Variants in ZFHX3 observed in about 807,000 individuals in gnomAD.
ZFHX3 encodes zinc finger homeobox 3.
A neutral mutation model predicts 279.1 loss-of-function variants in ZFHX3; 42 were observed. That is an observed-to-expected ratio of 0.15 (90% CI 0.12 to 0.19). The LOEUF (loss-of-function observed/expected upper bound fraction) is 0.19. ZFHX3 is among the 10% of genes least tolerant of loss of function. The probability of loss-of-function intolerance (pLI) is 1.00; values close to 1 mark genes in which losing one functional copy is unlikely to be tolerated. For missense variants in ZFHX3, 4,981 were observed against 4,754.0 expected, an observed-to-expected ratio of 1.05 and a Z score of -1.40; for synonymous variants, 2,293 against 1,957.8, an observed-to-expected ratio of 1.17 and a Z score of -4.52.
chr16:73,809,060 T>A (rs1051473621), intron 1 of ZFHX3, among the ~76,000 whole-genome samples: 2 of 152,128 alleles, frequency 1.3e-5, no homozygotes, highest in Non-Finnish European at 2.9e-5. Context: ...ATAAGTGCAA[T>A]GTTTCCTAAA....
At position 73,721,203 on chromosome 16, in the gene ZFHX3, C is replaced by A. The variant is rs1427482130; in HGVS notation, c.-1607-40963G>T. ...GTGGCGGGATCTCGGCTCACTGCAA[C>A]TTCCGCCTCCCGGGTTCAAGCGATT... On this transcript the variant is annotated intron_variant, in intron 1 of 17. Transcript: ENST00000641206. 2.6e-5 allele frequency among the ~76,000 whole-genome samples: 4 copies of A among 152,266 alleles called. No individual in the cohort carries two copies. The East Asian group carries it at 5.8e-4, about 22-fold the overall frequency.
intron 1 of ZFHX3, among the ~76,000 whole-genome samples, chr16:73,755,407 A>T (rs1324901605): frequency 6.6e-6 from 1 of 152,158 alleles, no homozygotes; most frequent in African/African-American, 2.4e-5. Context: ...TATCCTCTTA[A>T]TCCAGTTTTA....
chr16:73,107,595 C>A (rs1966320098), intron 7 of ZFHX3, among the ~76,000 whole-genome samples: 1 of 152,338 alleles, frequency 6.6e-6, no homozygotes, highest in African/African-American at 2.4e-5. Context: ...GTGCCTGGAA[C>A]AAACCTGTTC....
intron 1 of ZFHX3, among the ~76,000 whole-genome samples, chr16:73,013,610 CTT>C (rs1283150755): frequency 6.6e-6 from 1 of 152,144 alleles, no homozygotes; most frequent in Non-Finnish European, 1.5e-5. Context: ...TAAACACTCT[CTT>C]TTATTTTTCT....
Position 73,267,987 on chromosome 16 carries a change from C to T in ZFHX3, c.-1193-10851G>A, listed in dbSNP as rs534153738. Among the ~76,000 whole-genome samples the T allele has an allele frequency of 2.0e-5, 3 of 152,134 alleles. No individual in the cohort carries two copies. In the South Asian group the frequency reaches 6.2e-4, roughly 32 times the overall value. On this transcript the variant is annotated intron_variant, in intron 4 of 17. Transcript: ENST00000641206. The stretch of plus-strand genomic sequence containing the variant: ...GTAAAAATGGAAAGTGATATTAGTG[C>T]TATTATTAACCTCCATCGTTATACT...
At chr16:72,846,108 T>G (rs2037473087) in intron 4 of ZFHX3, among the ~76,000 whole-genome samples, 1 of 152,126 alleles carries the variant, frequency 6.6e-6, no homozygotes, top group African/African-American at 2.4e-5. Flanking sequence ...CCTGCTCTCA[T>G]GGGGCAGGGG....
At chr16:73,742,185 A>C (rs1336541048) in intron 1 of ZFHX3, among the ~76,000 whole-genome samples, 1 of 152,228 alleles carries the variant, frequency 6.6e-6, no homozygotes, top group African/African-American at 2.4e-5. Context: ...TTTACACTGA[A>C]GTTACAGCCG....
intron 3 of ZFHX3, among the ~76,000 whole-genome samples, chr16:73,342,728 G>A (rs1304344375): frequency 6.6e-6 from 1 of 152,166 alleles, no homozygotes; most frequent in African/African-American, 2.4e-5. Context: ...GGAGGGCTAG[G>A]AAGGAAAGTG....
At position 73,801,972 on chromosome 16, in the gene ZFHX3, C is replaced by T. The variant is rs74028490; in HGVS notation, c.-1608+89679G>A. Among the ~76,000 whole-genome samples, 1,471 of 152,238 alleles carry T rather than the reference C, an allele frequency of 9.7e-3. 25 individuals carry two copies. Among genetic ancestry groups the T allele is most frequent in the African/African-American group, 0.032 (1,343 of 41,538 alleles). Reference sequence around the variant, plus strand: ...GGGAGATGTGTGCAAATTTGGATCTCTCCTCGCCGTTAGAGGAACAGCCCA... The same window carrying T: ...GGGAGATGTGTGCAAATTTGGATCTTTCCTCGCCGTTAGAGGAACAGCCCA... On this transcript the variant is annotated intron_variant, in intron 1 of 17. Coordinates refer to the ZFHX3 transcript ENST00000641206.
Position 72,796,348 on chromosome 16 carries a change from CCGGCAAGGTCTGCAG to C in ZFHX3, c.6319_6333del (p.Leu2107_Pro2111del). ...GGTCCCAGCTGCGGGGGTAGCTGAG[CCGGCAAGGTCTGCAG>C]CGGCATCGTCTGCATCATCAGCGGC... On this transcript the variant is annotated inframe_deletion, in exon 9 of 10. Coordinates refer to ENST00000268489, the MANE Select transcript of ZFHX3 (RefSeq NM_006885.4). The C allele has an allele frequency of 6.2e-7, 1 of 1,613,952 alleles. No homozygotes were observed. The highest frequency in any genetic ancestry group is 8.5e-7 in the Non-Finnish European group (1 of 1,180,002).
rs1410670147 is a variant in ZFHX3 at position 72,946,170 on chromosome 16, G to A, written c.3216+4299C>T. ...CAATCCTCCTAGAATGGCAGGAGCA[G>A]ACATCCTCTATGTGGAGAATCTGGC... is the stretch of plus-strand genomic sequence containing the variant. On this transcript the variant is annotated intron_variant, in intron 3 of 9. Coordinates refer to ENST00000268489, the MANE Select transcript of ZFHX3 (RefSeq NM_006885.4). 3.9e-5 allele frequency among the ~76,000 whole-genome samples: 6 copies of A among 152,334 alleles called. No homozygotes were observed. The East Asian group carries it at 1.2e-3, about 29-fold the overall frequency.
chr16:73,360,183 A>G (rs1445062192), intron 3 of ZFHX3, among the ~76,000 whole-genome samples: 1 of 152,250 alleles, frequency 6.6e-6, no homozygotes, highest in Non-Finnish European at 1.5e-5. Flanking sequence ...TGAGAATTAA[A>G]CAGCAAGATA....
chr16:73,030,362 A>T (rs1018311378), intron 1 of ZFHX3, among the ~76,000 whole-genome samples: 1 of 152,232 alleles, frequency 6.6e-6, no homozygotes, highest in Non-Finnish European at 1.5e-5. Context: ...CCTACCAGAT[A>T]AGCAAGGCAA....
intron 8 of ZFHX3, 149 bp downstream of exon 8, chr16:72,799,878 T>C (rs1442687877): frequency 1.5e-6 from 1 of 683,064 alleles, no homozygotes; most frequent in Admixed American, 2.3e-5. Flanking sequence ...AAGCAGAGTA[T>C]AAAGTAGCTG....
intron 3 of ZFHX3, among the ~76,000 whole-genome samples, chr16:73,443,390 G>A (rs758822298): frequency 1.3e-5 from 2 of 152,162 alleles, no homozygotes; most frequent in Non-Finnish European, 2.9e-5. Context: ...ACATGATAAC[G>A]ATGTACAACT....
Position 72,801,065 on chromosome 16 carries a change from T to G in ZFHX3, c.3865-936A>C, listed in dbSNP as rs191050710. Among the ~76,000 whole-genome samples the G allele has an allele frequency of 8.5e-5, 13 of 152,352 alleles. No individual in the cohort carries two copies. In the East Asian group the frequency reaches 2.5e-3, roughly 29 times the overall value. ...CAGCCCTCGATATCCAATGGAAAGA[T>G]CAAAGGTTCTTCATTCAAAAAGAAG... On this transcript the variant is annotated intron_variant, in intron 7 of 9. Transcript: ENST00000268489.
At chr16:72,919,550 A>G (rs773478546) in intron 3 of ZFHX3, among the ~76,000 whole-genome samples, 3 of 149,570 alleles carry the variant, frequency 2.0e-5, no homozygotes, top group Non-Finnish European at 4.5e-5. Context: ...TATTTTTAAG[A>G]AAGATCTGTT....
At chr16:72,982,041 C>T (rs1962626291) in intron 1 of ZFHX3, among the ~76,000 whole-genome samples, 1 of 152,026 alleles carries the variant, frequency 6.6e-6, no homozygotes, top group Non-Finnish European at 1.5e-5. Context: ...TACCACCATG[C>T]CCGGCTAATT....
At chr16:73,043,807 C>G (rs892549757) in intron 1 of ZFHX3, among the ~76,000 whole-genome samples, 2 of 152,250 alleles carry the variant, frequency 1.3e-5, no homozygotes, top group African/African-American at 4.8e-5. Flanking sequence ...CCTCCAACAT[C>G]TGATTGCCAC....
Sources: gnomAD v4.1 joint callset for allele counts (sites outside exome capture counted in the v4.1 genomes callset) on GRCh38, gnomAD v4.1.1 for gene constraint, MANE v1.5 for transcripts, NCBI Gene and HGNC (gene_info 2026-07-23, HGNC 2026-07-21) for gene names.